Variants in RP1L1 observed in about 807,000 individuals in gnomAD.
RP1L1 encodes the protein RP1 like 1.
A neutral mutation model predicts 15.7 loss-of-function variants in RP1L1; 27 were observed. The ratio of observed to expected loss-of-function variants is 1.72; its 90% confidence interval spans 1.27 to 2.38. RP1L1 has a LOEUF of 2.38. RP1L1 is among the 30% of genes most tolerant of loss of function. The pLI is 0.00. For missense variants in RP1L1, 4,798 were observed against 3,075.9 expected (o/e 1.56, Z -13.24); for synonymous variants, 1,813 against 1,276.7 (o/e 1.42, Z -8.96).
chr8:10,608,643 C>A lies in RP1L1; in HGVS notation c.5455G>T (p.Ala1819Ser). ...GHEDNLQGEAAAGGDQDPGQS... is the reference protein window; with the variant it reads ...GHEDNLQGEASAGGDQDPGQS... ...CCTGGATCTTGGTCACCTCCTGCCG[C>A]AGCTTCACCCTGCAAGTTGTCCTCA... The change falls in exon 4 of 4, where the codon GCG (alanine) becomes TCG (serine). Residue 1819 changes from alanine (A) to serine (S), a missense_variant. Physicochemically the swap from Ala to Ser is moderately conservative, Grantham distance 99. Coordinates refer to ENST00000382483, the MANE Select transcript of RP1L1 (RefSeq NM_178857.6). 6.2e-7 allele frequency: 1 copy of A among 1,614,234 alleles called. No individual in the cohort carries two copies. Among genetic ancestry groups the A allele is most frequent in the Non-Finnish European group, 8.5e-7 (1 of 1,180,028 alleles).
intron 1 of RP1L1, among the ~76,000 whole-genome samples, chr8:10,649,872 G>A (rs1204200196): frequency 6.6e-6 from 1 of 152,138 alleles, no homozygotes; most frequent in African/African-American, 2.4e-5. Context: ...CGATACTGTT[G>A]GCTGCCTCCC....
At chr8:10,648,509 G>A (rs1029911732) in intron 1 of RP1L1, among the ~76,000 whole-genome samples, 4 of 152,172 alleles carry the variant, frequency 2.6e-5, no homozygotes, top group African/African-American at 9.7e-5. Flanking sequence ...AAACCCAGTA[G>A]TTGCAGTGTG....
Position 10,608,642 on chromosome 8 carries a change from G to A in RP1L1, c.5456C>T (p.Ala1819Val), listed in dbSNP as rs200827869. ...GHEDNLQGEA[A>V]AGGDQDPGQS... Reference sequence around the variant, plus strand: ...TCCTGGATCTTGGTCACCTCCTGCCGCAGCTTCACCCTGCAAGTTGTCCTC... The same window carrying A: ...TCCTGGATCTTGGTCACCTCCTGCCACAGCTTCACCCTGCAAGTTGTCCTC... The change falls in exon 4 of 4, where the codon GCG becomes GTG. Residue 1819 changes from alanine (A) to valine (V), a missense_variant. By Grantham distance (64) the Ala-to-Val change is moderately conservative. Coordinates refer to ENST00000382483, the MANE Select transcript of RP1L1 (RefSeq NM_178857.6). 232 of 1,613,956 alleles carry A rather than the reference G, an allele frequency of 1.4e-4. 1 individual carries two copies. The highest frequency in any genetic ancestry group is 1.3e-4 in the Non-Finnish European group (159 of 1,179,998).
intron 1 of RP1L1, among the ~76,000 whole-genome samples, chr8:10,637,834 T>A (rs1798352300): frequency 6.6e-6 from 1 of 152,044 alleles, no homozygotes; most frequent in Non-Finnish European, 1.5e-5. Flanking sequence ...AGCTTCAAGA[T>A]CAAAAGATGC....
Position 10,609,138 on chromosome 8 carries a change from C to A in RP1L1, c.4960G>T (p.Glu1654Ter), listed in dbSNP as rs556831077. ...CAGGCCTCGCAGGGACAGAACTCCT[C>A]CCCCTCCGCCTCCTCGCCCAGCTGG... ...GSQLGEEAEG[E>*]EFCPCEACVR... The change falls in exon 4 of 4, where the codon GAG becomes TAG. Residue 1654 changes from glutamate (E) to a stop codon, truncating the protein, a stop_gained. Transcript: ENST00000382483. LOFTEE classifies it low-confidence loss of function (END_TRUNC). 2.5e-6 allele frequency: 4 copies of A among 1,613,660 alleles called. No homozygotes were observed. The Admixed American group carries it at 6.7e-5, about 27-fold the overall frequency.
chr8:10,612,220 G>A lies in RP1L1; in HGVS notation c.1878C>T (p.Ser626=), dbSNP rs947668492. The A allele has an allele frequency of 3.0e-5, 49 of 1,613,124 alleles. No individual in the cohort carries two copies. The highest frequency in any genetic ancestry group is 4.0e-5 in the Non-Finnish European group (47 of 1,179,976). Reference sequence around the variant, plus strand: ...GGGATGAAGTGCAGGTGGAAGGGGTGGAAGAGGCTCCTTCCGAGTCCCAGG... The same window carrying A: ...GGGATGAAGTGCAGGTGGAAGGGGTAGAAGAGGCTCCTTCCGAGTCCCAGG... ...SCSWDSEGAS[S]TPSTCTSSQQ... The change falls in exon 4 of 4, where the codon TCC becomes TCT. Residue 626 remains serine (S), a synonymous_variant. Coordinates refer to ENST00000382483, the MANE Select transcript of RP1L1 (RefSeq NM_178857.6).
Position 10,612,100 on chromosome 8 carries a change from C to A in RP1L1, c.1998G>T (p.Arg666Ser), listed in dbSNP as rs1469326153. Reference protein sequence around the residue: ...LGRVAPRGHPRHSHYRKDTHS... With the variant: ...LGRVAPRGHPSHSHYRKDTHS... Reference sequence around the variant, plus strand: ...GGGTGTCCTTGCGGTAGTGAGAATGCCTGGGATGGCCTCTCGGGGCCACTC... The same window carrying A: ...GGGTGTCCTTGCGGTAGTGAGAATGACTGGGATGGCCTCTCGGGGCCACTC... The change falls in exon 4 of 4, where the codon AGG (arginine) becomes AGT (serine). Residue 666 changes from arginine (R) to serine (S), a missense_variant. Coordinates refer to ENST00000382483, the MANE Select transcript of RP1L1 (RefSeq NM_178857.6). 1.9e-6 allele frequency: 3 copies of A among 1,613,812 alleles called. No individual in the cohort carries two copies. The highest frequency in any genetic ancestry group is 2.5e-6 in the Non-Finnish European group (3 of 1,180,044).
intron 1 of RP1L1, among the ~76,000 whole-genome samples, chr8:10,648,701 G>A (rs1798516155): frequency 6.6e-6 from 1 of 152,204 alleles, no homozygotes; most frequent in Non-Finnish European, 1.5e-5. Context: ...GATCCAGTTG[G>A]CCTTGCCATT....
rs2117205039 is a variant in RP1L1 at position 10,612,417 on chromosome 8, C to T, written c.1681G>A (p.Ala561Thr). The T allele has an allele frequency of 6.2e-7, 1 of 1,612,710 alleles. No homozygotes were observed. The highest frequency in any genetic ancestry group is 8.5e-7 in the Non-Finnish European group (1 of 1,180,034). Residue 561 changes from alanine (A) to threonine (T), a missense_variant, in exon 4 of 4, where the codon GCC (alanine) becomes ACC (threonine). Physicochemically the swap from Ala to Thr is moderately conservative, Grantham distance 58. Transcript: ENST00000382483. Reference sequence around the variant, plus strand: ...CTGGCCTCCTGCTGAGAGGTCTCGGCCCTTGCCTTGCCTGGACAGCCCTGG... The same window carrying T: ...CTGGCCTCCTGCTGAGAGGTCTCGGTCCTTGCCTTGCCTGGACAGCCCTGG... ...RPQGCPGKAR[A>T]ETSQQEASEG...
intron 1 of RP1L1, among the ~76,000 whole-genome samples, chr8:10,641,684 A>T (rs933818374): frequency 6.6e-6 from 1 of 152,222 alleles, no homozygotes; most frequent in Non-Finnish European, 1.5e-5. Context: ...AGAAATGAAA[A>T]CTTAAGTTCA....
At chr8:10,623,627 CAG>C (rs1798111319) in intron 1 of RP1L1, among the ~76,000 whole-genome samples, 1 of 150,648 alleles carries the variant, frequency 6.6e-6, no homozygotes, top group Non-Finnish European at 1.5e-5. Flanking sequence ...TCCATGTCCC[CAG>C]AGTCATCATG....
At position 10,647,166 on chromosome 8, in the gene RP1L1, C is replaced by T. The variant is rs577650220; in HGVS notation, c.-20+7732G>A. ...CGCCACGGCAGCCCAGCTTCTAGCC[C>T]GTCCAGCCTGCTCCAGGGCCTCCCT... On this transcript the variant is annotated intron_variant, in intron 1 of 3. Coordinates refer to ENST00000382483, the MANE Select transcript of RP1L1 (RefSeq NM_178857.6). 1.4e-4 allele frequency among the ~76,000 whole-genome samples: 22 copies of T among 152,280 alleles called. No homozygotes were observed. In the South Asian group the frequency reaches 4.1e-3, roughly 29 times the overall value.
intron 1 of RP1L1, among the ~76,000 whole-genome samples, chr8:10,626,246 G>GC (rs1026057264): frequency 1.1e-4 from 7 of 64,126 alleles, no homozygotes; most frequent in South Asian, 7.3e-4. Flanking sequence ...GCGGGAGGAT[G>GC]GGGGAGGCTG....
chr8:10,624,789 TG>T (rs1798130661), intron 1 of RP1L1, among the ~76,000 whole-genome samples: 1 of 152,174 alleles, frequency 6.6e-6, no homozygotes. Flanking sequence ...CCTGGAAAAC[TG>T]GGCTTTTCAG....
In RP1L1 at chr8:10,609,957, G is replaced by T. The variant is rs765308081; in HGVS notation, c.4141C>A (p.Pro1381Thr). The change falls in exon 4 of 4, where the codon CCA (proline) becomes ACA (threonine). Residue 1381 changes from proline to threonine, a missense_variant. Pro to Thr is a conservative substitution (Grantham distance 38). Transcript: ENST00000382483. ...GVQLEEVKEG[P>T]EGGLQGEALE... ...GCCTCTCCTTGCAGTCCTCCTTCTG[G>T]CCCTTCTTTAACTTCCTCTAACTGC... 4 of 1,592,858 alleles carry T rather than the reference G, an allele frequency of 2.5e-6. No individual in the cohort carries two copies. The South Asian group carries it at 4.4e-5, about 18-fold the overall frequency.
chr8:10,606,765 G>C lies in RP1L1; in HGVS notation c.*130C>G. ...ACAGCATGGCATGGGCTGTGTCCTT[G>C]GCAAGTCCTTGGTCTTTGTCCATGT... On this transcript the variant is annotated 3_prime_UTR_variant, in exon 4 of 4. Coordinates refer to ENST00000382483, the MANE Select transcript of RP1L1 (RefSeq NM_178857.6). 1 of 1,483,462 alleles carries C rather than the reference G, an allele frequency of 6.7e-7. No homozygotes were observed. Among genetic ancestry groups the C allele is most frequent in the Non-Finnish European group, 9.1e-7 (1 of 1,104,740 alleles). The allele number at this position is 1,483,462 out of a possible 1,614,324, so 91.9% of individuals were successfully genotyped here.
At chr8:10,618,579 C>T (rs1279173314) in intron 2 of RP1L1, among the ~76,000 whole-genome samples, 1 of 152,096 alleles carries the variant, frequency 6.6e-6, no homozygotes, top group Non-Finnish European at 1.5e-5. Context: ...GTAGTCCCAG[C>T]TGCTTGGGAG....
chr8:10,623,124 C>T lies in RP1L1; in HGVS notation c.78G>A (p.Ser26=), dbSNP rs773438295. ...CFLPSVARTP[S]VTKVTPAKKI... ...TCTTGGCTGGCGTGACCTTGGTGAC[C>T]GAGGGGGTGCGAGCCACAGAGGGCA... Residue 26 remains serine, a synonymous_variant, in exon 2 of 4, where the codon TCG becomes TCA. Coordinates refer to ENST00000382483, the MANE Select transcript of RP1L1 (RefSeq NM_178857.6). 1.7e-5 allele frequency: 28 copies of T among 1,609,716 alleles called. 1 individual carries two copies. Among genetic ancestry groups the T allele is most frequent in the East Asian group, 4.5e-5 (2 of 44,840 alleles).
intron 2 of RP1L1, chr8:10,621,656 G>T: frequency 2.1e-6 from 1 of 466,092 alleles, no homozygotes; most frequent in South Asian, 1.5e-5. Context: ...TGGTGGAATG[G>T]TGCATACAGA....
Sources: gnomAD v4.1 joint callset for allele counts (sites outside exome capture counted in the v4.1 genomes callset) on GRCh38, gnomAD v4.1.1 for gene constraint, MANE v1.5 for transcripts, NCBI Gene and HGNC (gene_info 2026-07-23, HGNC 2026-07-21) for gene names.